The following NAA60 variants were observed in gnomAD, a reference collection of about 807,000 sequenced individuals.
The protein encoded by NAA60 is N-alpha-acetyltransferase 60.
In NAA60, 8 loss-of-function variants were observed where a neutral mutation model predicts 26.1. The observed-to-expected ratio is 0.31, with a 90% CI of 0.18 to 0.55. The LOEUF (loss-of-function observed/expected upper bound fraction) is 0.55. Ranked by LOEUF, NAA60 falls within the 20% of genes least tolerant of loss-of-function variation. The probability of loss-of-function intolerance (pLI) is 0.93; values close to 1 mark genes in which losing one functional copy is unlikely to be tolerated. For missense variants in NAA60, 290 were observed against 311.3 expected (o/e 0.93, Z 0.51); for synonymous variants, 131 against 122.5 (o/e 1.07, Z -0.46).
intron 2 of NAA60, among the ~76,000 whole-genome samples, chr16:3,460,522 C>G (rs2035319095): frequency 6.6e-6 from 1 of 152,168 alleles, no homozygotes; most frequent in African/African-American, 2.4e-5. Context: ...TGCCACCATG[C>G]CTAGCTAATT....
chr16:3,479,402 A>T, intron 3 of NAA60, 69 bp from the exon 4 acceptor site: 1 of 1,560,744 alleles, frequency 6.4e-7, no homozygotes. Context: ...TGTGGTTCTG[A>T]TGTCTAGAGC....
intron 2 of NAA60, among the ~76,000 whole-genome samples, chr16:3,449,345 C>A (rs548848701): frequency 1.0e-3 from 155 of 152,188 alleles, no homozygotes; most frequent in Admixed American, 3.9e-3. Context: ...GGTGAAACCC[C>A]ATCTTTACTA....
At chr16:3,472,965 C>T (rs1000181126) in intron 2 of NAA60, among the ~76,000 whole-genome samples, 4 of 152,178 alleles carry the variant, frequency 2.6e-5, no homozygotes, top group African/African-American at 9.7e-5. Context: ...TTAACACCTT[C>T]ATCTGTTCTT....
chr16:3,482,505 G>A lies in NAA60; in HGVS notation c.244G>A (p.Gly82Arg), dbSNP rs201790867. The change falls in exon 5 of 8, where the codon GGA becomes AGA. Residue 82 changes from glycine to arginine, a missense_variant. Gly to Arg is a moderately radical substitution (Grantham distance 125). Coordinates refer to ENST00000407558, the MANE Select transcript of NAA60 (RefSeq NM_001083601.3). ...TTCTCTCTGACTCTTCCTCTAGGAT[G>A]GAGATATTCTAGCATCCAACTTCTC... ...KNRTKIHKED[G>R]DILASNFSVD... 1,809 of 1,598,500 alleles carry A rather than the reference G, an allele frequency of 1.1e-3. 3 individuals are homozygous for A. The highest frequency in any genetic ancestry group is 1.3e-3 in the Non-Finnish European group (1,559 of 1,172,082).
Position 3,443,740 on chromosome 16 carries a change from G to C in NAA60, c.-174G>C. ...GGGCCTGTTTGCCTGCTGAAGTAGA[G>C]TCTTAGGGTGACCCCAGGGGGACGT... is the stretch of plus-strand genomic sequence containing the variant. On this transcript the variant is annotated 5_prime_UTR_variant, in exon 1 of 8. Transcript: ENST00000407558. 6.5e-7 allele frequency: 1 copy of C among 1,527,940 alleles called. No homozygotes were observed. The highest frequency in any genetic ancestry group is 1.7e-4 in the Middle Eastern group (1 of 5,948). The allele number at this position is 1,527,940 out of a possible 1,614,324, so 94.6% of individuals were successfully genotyped here. A position where few individuals can be genotyped will look rare whatever the true frequency, so the allele number is the denominator to read the frequency against.
At chr16:3,450,262 C>G (rs2034723334) in intron 2 of NAA60, 1 of 307,912 alleles carries the variant, frequency 3.2e-6, no homozygotes, top group Non-Finnish European at 5.9e-6. Context: ...TCAGGCAGAG[C>G]AGAGGCTGGT....
At chr16:3,448,236 T>C (rs904059304) in intron 1 of NAA60, among the ~76,000 whole-genome samples, 1 of 142,256 alleles carries the variant, frequency 7.0e-6, no homozygotes, top group African/African-American at 2.6e-5. Context: ...ATTGTGCCAC[T>C]GCACTCCAGC....
At position 3,448,482 on chromosome 16, in the gene NAA60, G is replaced by A; in HGVS notation, c.-65G>A. ...TTTCTCCCCTGCAGCATACAGAAAG[G>A]CTGTACCTGGAGGAAGGAAGTGCGG... On this transcript the variant is annotated 5_prime_UTR_variant, in exon 2 of 8. Coordinates refer to ENST00000407558, the MANE Select transcript of NAA60 (RefSeq NM_001083601.3). 1 of 1,535,550 alleles carries A rather than the reference G, an allele frequency of 6.5e-7. No homozygotes were observed. The highest frequency in any genetic ancestry group is 8.7e-7 in the Non-Finnish European group (1 of 1,146,858).
chr16:3,457,128 G>A (rs960490723), intron 2 of NAA60, among the ~76,000 whole-genome samples: 1 of 152,098 alleles, frequency 6.6e-6, no homozygotes, highest in Non-Finnish European at 1.5e-5. Context: ...CTTCAAATTG[G>A]ATTCTGGAAA....
intron 2 of NAA60, among the ~76,000 whole-genome samples, chr16:3,450,589 A>G (rs2034737329): frequency 6.6e-6 from 1 of 150,924 alleles, no homozygotes; most frequent in Non-Finnish European, 1.5e-5. Context: ...GGTCCCAGCT[A>G]CTCGGGAGGC....
chr16:3,482,486 C>G lies in NAA60; in HGVS notation c.241-16C>G, dbSNP rs1372307175. On this transcript the variant is annotated splice_polypyrimidine_tract_variant and intron_variant, in intron 4 of 7. Transcript: ENST00000407558. ...CAGACGTGTGAGCCTGACTTTCTCT[C>G]TGACTCTTCCTCTAGGATGGAGATA... 3 of 1,579,306 alleles carry G rather than the reference C, an allele frequency of 1.9e-6. No homozygotes were observed. The highest frequency in any genetic ancestry group is 1.2e-5 in the South Asian group (1 of 86,256).
chr16:3,478,247 A>G (rs953634882), intron 3 of NAA60, among the ~76,000 whole-genome samples: 3 of 152,168 alleles, frequency 2.0e-5, no homozygotes, highest in African/African-American at 7.2e-5. Flanking sequence ...AAATAAAAAT[A>G]AAAACGTGTT....
intron 2 of NAA60, among the ~76,000 whole-genome samples, chr16:3,472,723 G>A (rs960941455): frequency 2.6e-5 from 4 of 152,132 alleles, no homozygotes; most frequent in Non-Finnish European, 5.9e-5. Context: ...ATGAGCCACC[G>A]CTCCTGGCCC....
At chr16:3,459,251 T>A (rs1387722117) in intron 2 of NAA60, among the ~76,000 whole-genome samples, 2 of 152,154 alleles carry the variant, frequency 1.3e-5, no homozygotes, top group Non-Finnish European at 2.9e-5. Flanking sequence ...ACCATGAAAG[T>A]CATGTGACTC....
intron 2 of NAA60, among the ~76,000 whole-genome samples, chr16:3,475,931 A>C (rs1315846762): frequency 6.6e-6 from 1 of 152,244 alleles, no homozygotes; most frequent in Non-Finnish European, 1.5e-5. Flanking sequence ...AGTCAGGGGC[A>C]GCTCAGATGG....
chr16:3,452,563 C>T (rs935423474), intron 2 of NAA60, among the ~76,000 whole-genome samples: 2 of 149,188 alleles, frequency 1.3e-5, no homozygotes, highest in Admixed American at 1.3e-4. Context: ...AGCTGAGGCA[C>T]GAGAATCACT....
chr16:3,464,627 C>T (rs568121458), intron 2 of NAA60, among the ~76,000 whole-genome samples: 1 of 152,128 alleles, frequency 6.6e-6, no homozygotes, highest in Non-Finnish European at 1.5e-5. Flanking sequence ...AGGGTCCAGT[C>T]TTGGGTGTTA....
rs1219816097 is a variant in NAA60 at position 3,473,709 on chromosome 16, TG to T, written c.-6-2512del. Among the ~76,000 whole-genome samples, 14 of 57,290 alleles carry T rather than the reference TG, an allele frequency of 2.4e-4. No homozygotes were observed. In the East Asian group the frequency reaches 0.023, roughly 93 times the overall value. 37.6% of individuals were successfully genotyped at this position (57,290 alleles called of 152,430 possible). A position where few individuals can be genotyped will look rare whatever the true frequency, so the allele number is the denominator to read the frequency against. On this transcript the variant is annotated intron_variant, in intron 2 of 7. Coordinates refer to ENST00000407558, the MANE Select transcript of NAA60 (RefSeq NM_001083601.3). ...GCCACCATGCTTGGCCCCAGCTTTT[TG>T]TTGTTGTTGTTGTTGTTGTTGTTGT...
intron 2 of NAA60, among the ~76,000 whole-genome samples, chr16:3,460,707 G>A (rs1446835445): frequency 2.0e-5 from 3 of 152,214 alleles, no homozygotes; most frequent in Non-Finnish European, 4.4e-5. Flanking sequence ...TTTGCAGAAA[G>A]CAAGGCTGGG....
Sources: allele counts gnomAD v4.1 joint callset (sites outside exome capture counted in the v4.1 genomes callset), GRCh38; gene constraint gnomAD v4.1.1; transcripts MANE v1.5; gene names NCBI Gene and HGNC (gene_info 2026-07-23, HGNC 2026-07-21).